JUND: variants seen among roughly 807,000 people sequenced by gnomAD.
JUND encodes the protein JunD proto-oncogene, AP-1 transcription factor subunit, also known as transcription factor JunD.
Under a neutral mutation model 7.1 loss-of-function variants are expected in JUND, and 2 were observed. The ratio of observed to expected loss-of-function variants is 0.28; its 90% CI spans 0.11 to 0.88. The LOEUF is 0.88. Among genes scored for constraint, JUND ranks in the 40% least tolerant of loss-of-function variants. The probability of loss-of-function intolerance (pLI) is 0.60; values close to 1 mark genes in which losing one functional copy is unlikely to be tolerated. For missense variants in JUND, 479 were observed against 519.1 expected, an observed-to-expected ratio of 0.92 and a Z score of 0.75; for synonymous variants, 335 against 263.2, an observed-to-expected ratio of 1.27 and a Z score of -2.64.
Position 18,281,511 on chromosome 19 carries a change from C to G in JUND, c.-27G>C, listed in dbSNP as rs1412807149. On this transcript the variant is annotated 5_prime_UTR_variant, in exon 1 of 1. Coordinates refer to ENST00000252818, the MANE Select transcript of JUND (RefSeq NM_005354.6). ...CTCCGCCTCCCCCGCCGCGCCGGCC[C>G]GGGGGGGAGTGGCCGCGGCCTCCCG... The G allele has an allele frequency of 2.5e-6, 3 of 1,220,862 alleles. No individual in the cohort carries two copies. The highest frequency in any genetic ancestry group is 3.1e-6 in the Non-Finnish European group (3 of 978,914). The allele number at this position is 1,220,862 out of a possible 1,614,324, so 75.6% of individuals were successfully genotyped here.
chr19:18,280,218 C>A lies in JUND; in HGVS notation c.*223G>T. 2.7e-6 allele frequency: 1 copy of A among 373,804 alleles called. No homozygotes were observed. The highest frequency in any genetic ancestry group is 4.8e-6 in the Non-Finnish European group (1 of 209,906). The allele number at this position is 373,804 out of a possible 1,614,324, so 23.2% of individuals were successfully genotyped here. On this transcript the variant is annotated 3_prime_UTR_variant, in exon 1 of 1. Coordinates refer to ENST00000252818, the MANE Select transcript of JUND (RefSeq NM_005354.6). The surrounding 1 kb of genome is among the most constrained non-coding windows in gnomAD (Gnocchi z 4.1). ...AGAGGCAGCGCGAGGGCGGGGGGGT[C>A]ATGCGCTCGCCCCCCCGGGAGCAGG...
At position 18,280,937 on chromosome 19, in the gene JUND, G is replaced by T. The variant is rs1478122243; in HGVS notation, c.548C>A (p.Ala183Asp). The change falls in exon 1 of 1, where the codon GCC (alanine) becomes GAC (aspartate). Residue 183 changes from alanine to aspartate, a missense_variant. Physicochemically the swap from Ala to Asp is moderately radical, Grantham distance 126 (BLOSUM62 -2). Transcript: ENST00000252818. The surrounding 1 kb of genome is among the most constrained non-coding windows in gnomAD (Gnocchi z 4.1). ...ATGSAPPGELAPAAAAPEAPV... is the reference protein window; with the variant it reads ...ATGSAPPGELDPAAAAPEAPV... ...CGCTTCGGGCGCGGCCGCCGCCGGG[G>T]CCAGCTCGCCGGGGGGCGCGGAGCC... The T allele has an allele frequency of 1.7e-5, 19 of 1,105,462 alleles. No homozygotes were observed. Among genetic ancestry groups the T allele is most frequent in the Non-Finnish European group, 2.1e-5 (19 of 909,698 alleles). The allele number at this position is 1,105,462 out of a possible 1,614,324, so 68.5% of individuals were successfully genotyped here.
Position 18,280,654 on chromosome 19 carries a change from G to T in JUND, c.831C>A (p.Arg277=). The T allele has an allele frequency of 1.2e-6, 2 of 1,612,568 alleles. No individual in the cohort carries two copies. Among genetic ancestry groups the T allele is most frequent in the Non-Finnish European group, 1.7e-6 (2 of 1,179,744 alleles). ...ERIKAERKRL[R]NRIAASKCRK... The stretch of plus-strand genomic sequence containing the variant: ...GGCACTTGGAGGCGGCGATGCGGTT[G>T]CGCAGCCGCTTGCGCTCCGCCTTGA... Residue 277 remains arginine, a synonymous_variant, in exon 1 of 1, where the codon CGC becomes CGA. Transcript: ENST00000252818. This position sits in a 1 kb window ranked among gnomAD's most constrained non-coding sequence, Gnocchi z 4.1.
Position 18,279,767 on chromosome 19 carries a change from A to AC in JUND, c.*673dup, listed in dbSNP as rs1248301384. ...GGAGGCGGAGAGCCGAGCTGGCGTA[A>AC]CGAGACTTTACTGAAAACAGAAAAC... On this transcript the variant is annotated 3_prime_UTR_variant, in exon 1 of 1. Coordinates refer to ENST00000252818, the MANE Select transcript of JUND (RefSeq NM_005354.6). The AC allele has an allele frequency of 6.5e-6, 1 of 152,808 alleles. No individual in the cohort carries two copies. The highest frequency in any genetic ancestry group is 1.5e-5 in the Non-Finnish European group (1 of 68,120). The allele number at this position is 152,808 out of a possible 1,614,324, so 9.5% of individuals were successfully genotyped here. A position where few individuals can be genotyped will look rare whatever the true frequency, so the allele number is the denominator to read the frequency against.
rs71717206 is a variant in JUND, at chr19:18,280,274, C to CG, written c.*166dup. 2.9e-3 allele frequency: 1,779 copies of CG among 613,590 alleles called. 1 individual carries two copies. The highest frequency in any genetic ancestry group is 6.9e-3 in the African/African-American group (340 of 49,372). 38.0% of individuals were successfully genotyped at this position (613,590 alleles called of 1,614,324 possible). On this transcript the variant is annotated 3_prime_UTR_variant, in exon 1 of 1. Coordinates refer to ENST00000252818, the MANE Select transcript of JUND (RefSeq NM_005354.6). The surrounding 1 kb of genome is among the most constrained non-coding windows in gnomAD (Gnocchi z 4.1). ...CAGCTTGTCGAGTCCTGGGCACCCT[C>CG]GGGGGGGGGGAATCCCCGGGGGCCG... is the stretch of plus-strand genomic sequence containing the variant.
Position 18,281,004 on chromosome 19 carries a change from C to T in JUND, c.481G>A (p.Ala161Thr), listed in dbSNP as rs776623089. Residue 161 changes from alanine to threonine, a missense_variant, in exon 1 of 1, where the codon GCC (alanine) becomes ACC (threonine). Transcript: ENST00000252818. ...NQLGAGAAAA[A>T]AAAAAGGPSG... Reference sequence around the variant, plus strand: ...GGCCCCCCGGCGGCGGCGGCGGCGGCGGCAGCGGCCGCGCCCGCGCCGAGC... The same window carrying T: ...GGCCCCCCGGCGGCGGCGGCGGCGGTGGCAGCGGCCGCGCCCGCGCCGAGC... 20 of 1,237,718 alleles carry T rather than the reference C, an allele frequency of 1.6e-5. No individual in the cohort carries two copies. Among genetic ancestry groups the T allele is most frequent in the East Asian group, 3.5e-5 (1 of 28,476 alleles). 76.7% of individuals were successfully genotyped at this position (1,237,718 alleles called of 1,614,324 possible).
chr19:18,280,220 T>G lies in JUND; in HGVS notation c.*221A>C. Reference sequence around the variant, plus strand: ...AGGCAGCGCGAGGGCGGGGGGGTCATGCGCTCGCCCCCCCGGGAGCAGGGG... The same window carrying G: ...AGGCAGCGCGAGGGCGGGGGGGTCAGGCGCTCGCCCCCCCGGGAGCAGGGG... On this transcript the variant is annotated 3_prime_UTR_variant, in exon 1 of 1. Transcript: ENST00000252818. The surrounding 1 kb of genome is among the most constrained non-coding windows in gnomAD (Gnocchi z 4.1). The G allele has an allele frequency of 5.9e-5, 20 of 338,718 alleles. No homozygotes were observed. The highest frequency in any genetic ancestry group is 9.0e-5 in the East Asian group (1 of 11,138). The allele number at this position is 338,718 out of a possible 1,614,324, so 21.0% of individuals were successfully genotyped here.
chr19:18,280,516 C>T lies in JUND; in HGVS notation c.969G>A (p.Gln323=), dbSNP rs1221440686. Residue 323 remains glutamine, a synonymous_variant, in exon 1 of 1, where the codon CAG becomes CAA. Coordinates refer to ENST00000252818, the MANE Select transcript of JUND (RefSeq NM_005354.6). The surrounding 1 kb of genome is among the most constrained non-coding windows in gnomAD (Gnocchi z 4.1). The part of the protein sequence containing the change: ...TASLLREQVA[Q]LKQKVLSHVN... The stretch of plus-strand genomic sequence containing the variant: ...CGTGGCTGAGGACTTTCTGCTTGAG[C>T]TGCGCCACCTGCTCGCGCAGCAGGC... The T allele has an allele frequency of 6.2e-7, 1 of 1,607,746 alleles. No homozygotes were observed. The highest frequency in any genetic ancestry group is 1.7e-5 in the Admixed American group (1 of 59,214).
At position 18,280,277 on chromosome 19, in the gene JUND, G is replaced by GCACCCTT; in HGVS notation, c.*163_*164insAAGGGTG. 1 of 86,228 alleles carries GCACCCTT rather than the reference G, an allele frequency of 1.2e-5. No homozygotes were observed. The highest frequency in any genetic ancestry group is 1.8e-5 in the Non-Finnish European group (1 of 56,518). The allele number at this position is 86,228 out of a possible 1,614,324, so 5.3% of individuals were successfully genotyped here. On this transcript the variant is annotated 3_prime_UTR_variant, in exon 1 of 1. Coordinates refer to ENST00000252818, the MANE Select transcript of JUND (RefSeq NM_005354.6). The surrounding 1 kb of genome is among the most constrained non-coding windows in gnomAD (Gnocchi z 4.1). Reference sequence around the variant, plus strand: ...CTTGTCGAGTCCTGGGCACCCTCGGGGGGGGGGAATCCCCGGGGGCCGCGC... The same window carrying GCACCCTT: ...CTTGTCGAGTCCTGGGCACCCTCGGGCACCCTTGGGGGGGAATCCCCGGGGGCCGCGC...
Position 18,280,882 on chromosome 19 carries a change from C to G in JUND, c.603G>C (p.Ala201=). The G allele has an allele frequency of 7.8e-7, 1 of 1,290,008 alleles. No homozygotes were observed. Among genetic ancestry groups the G allele is most frequent in the African/African-American group, 1.6e-5 (1 of 63,600 alleles). The allele number at this position is 1,290,008 out of a possible 1,614,324, so 79.9% of individuals were successfully genotyped here. A position where few individuals can be genotyped will look rare whatever the true frequency, so the allele number is the denominator to read the frequency against. The change falls in exon 1 of 1, where the codon GCG becomes GCC. Residue 201 remains alanine (A), a synonymous_variant. Transcript: ENST00000252818. The surrounding 1 kb of genome is among the most constrained non-coding windows in gnomAD (Gnocchi z 4.1). ...CGCCCCCCGCGCCCCCGGCGCCGCCCGCGTAGCTGCTCAGGTTCGCGTAGA... is the reference window on the plus strand; with the variant it reads ...CGCCCCCCGCGCCCCCGGCGCCGCCGGCGTAGCTGCTCAGGTTCGCGTAGA... The part of the protein sequence containing the change: ...APVYANLSSY[A]GGAGGAGGAA...
chr19:18,281,574 CGCCCCG>C lies in JUND; in HGVS notation c.-96_-91del, dbSNP rs1402173989. ...CCCCCCGTCCGCTCGGCCCTGCGCCCGCCCCGGCCGCGGCCGCAGCGCCCGGCCCTC... is the reference window on the plus strand; with the variant it reads ...CCCCCCGTCCGCTCGGCCCTGCGCCCGCCGCGGCCGCAGCGCCCGGCCCTC... On this transcript the variant is annotated 5_prime_UTR_variant, in exon 1 of 1. Coordinates refer to ENST00000252818, the MANE Select transcript of JUND (RefSeq NM_005354.6). 6 of 397,698 alleles carry C rather than the reference CGCCCCG, an allele frequency of 1.5e-5. No homozygotes were observed. Among genetic ancestry groups the C allele is most frequent in the African/African-American group, 2.2e-5 (1 of 45,246 alleles). The allele number at this position is 397,698 out of a possible 1,614,324, so 24.6% of individuals were successfully genotyped here. A position where few individuals can be genotyped will look rare whatever the true frequency, so the allele number is the denominator to read the frequency against.
In JUND at chr19:18,280,985, C is replaced by CCGGCGG. The variant is rs529130306; in HGVS notation, c.494_499dup (p.Ala165_Ala166dup). The CCGGCGG allele has an allele frequency of 8.1e-5, 93 of 1,142,814 alleles. No individual in the cohort carries two copies. Among genetic ancestry groups the CCGGCGG allele is most frequent in the African/African-American group, 5.4e-4 (32 of 59,770 alleles). The allele number at this position is 1,142,814 out of a possible 1,614,324, so 70.8% of individuals were successfully genotyped here. A position where few individuals can be genotyped will look rare whatever the true frequency, so the allele number is the denominator to read the frequency against. ...GCCCGTGGCCGTGCCCGAGGGCCCC[C>CCGGCGG]CGGCGGCGGCGGCGGCGGCGGCAGC... On this transcript the variant is annotated inframe_insertion, in exon 1 of 1. Transcript: ENST00000252818. This position sits in a 1 kb window ranked among gnomAD's most constrained non-coding sequence, Gnocchi z 4.1.
In JUND at chr19:18,279,864, A is replaced by AG. The variant is rs1969899875; in HGVS notation, c.*576dup. 7.1e-6 allele frequency: 1 copy of AG among 140,606 alleles called. No homozygotes were observed. The highest frequency in any genetic ancestry group is 7.3e-5 in the Admixed American group (1 of 13,788). The allele number at this position is 140,606 out of a possible 1,614,324, so 8.7% of individuals were successfully genotyped here. On this transcript the variant is annotated 3_prime_UTR_variant, in exon 1 of 1. Transcript: ENST00000252818. ...CAAAACAAAACAGAACAAAAAAGGG[A>AG]GGGGGGACCGGTCGAAAGAACCGAA...
rs918383032 is a variant in JUND at position 18,280,726 on chromosome 19, G to A, written c.759C>T (p.Gly253=). ...CGATGGGCGACAACGGCGGGCTCTC[G>A]CCGAAGCTCGGCACGTCGGGCACCG... ...PQTVPDVPSF[G]ESPPLSPIDM... Residue 253 remains glycine, a synonymous_variant, in exon 1 of 1, where the codon GGC becomes GGT. Coordinates refer to ENST00000252818, the MANE Select transcript of JUND (RefSeq NM_005354.6). This position sits in a 1 kb window ranked among gnomAD's most constrained non-coding sequence, Gnocchi z 4.1. 2.4e-5 allele frequency: 39 copies of A among 1,609,284 alleles called. No homozygotes were observed. The highest frequency in any genetic ancestry group is 3.2e-5 in the Non-Finnish European group (38 of 1,179,488).
Position 18,281,243 on chromosome 19 carries a change from G to C in JUND, c.242C>G (p.Ala81Gly). 1 of 1,475,242 alleles carries C rather than the reference G, an allele frequency of 6.8e-7. No homozygotes were observed. The highest frequency in any genetic ancestry group is 8.9e-7 in the Non-Finnish European group (1 of 1,118,100). The allele number at this position is 1,475,242 out of a possible 1,614,324, so 91.4% of individuals were successfully genotyped here. ...TPLRADGAPSAAPPDGLLASP... is the reference protein window; with the variant it reads ...TPLRADGAPSGAPPDGLLASP... ...GGCGAGCAGGCCGTCGGGGGGTGCC[G>C]CGCTGGGGGCGCCGTCGGCGCGCAG... The change falls in exon 1 of 1, where the codon GCG becomes GGG. Residue 81 changes from alanine (A) to glycine (G), a missense_variant. Coordinates refer to ENST00000252818, the MANE Select transcript of JUND (RefSeq NM_005354.6).
rs1382949383 is a variant in JUND at position 18,280,049 on chromosome 19, C to T, written c.*392G>A. 4.4e-6 allele frequency: 1 copy of T among 227,300 alleles called. No homozygotes were observed. The highest frequency in any genetic ancestry group is 8.3e-6 in the Non-Finnish European group (1 of 119,902). The allele number at this position is 227,300 out of a possible 1,614,324, so 14.1% of individuals were successfully genotyped here. A position where few individuals can be genotyped will look rare whatever the true frequency, so the allele number is the denominator to read the frequency against. On this transcript the variant is annotated 3_prime_UTR_variant, in exon 1 of 1. Transcript: ENST00000252818. The surrounding 1 kb of genome is among the most constrained non-coding windows in gnomAD (Gnocchi z 4.1). ...TCGAACACTCTGTTCTTCTCTCTTC[C>T]AAAGAAAAAAAAAAAAAAGTAAAAG... is the stretch of plus-strand genomic sequence containing the variant.
Position 18,281,220 on chromosome 19 carries a change from C to T in JUND, c.265G>A (p.Ala89Thr), listed in dbSNP as rs773804225. The part of the protein sequence containing the change: ...PSAAPPDGLL[A>T]SPDLGLLKLA... The stretch of plus-strand genomic sequence containing the variant: ...TTCAGCAGCCCCAGGTCGGGAGAGG[C>T]GAGCAGGCCGTCGGGGGGTGCCGCG... The change falls in exon 1 of 1, where the codon GCC (alanine) becomes ACC (threonine). Residue 89 changes from alanine (A) to threonine (T), a missense_variant. Ala to Thr is a moderately conservative substitution (Grantham distance 58). Around this residue, in one of 3 missense-constraint regions of JUND, gnomAD observed 374 missense variants for 365.4 expected, o/e 1.02. Transcript: ENST00000252818. 8.0e-6 allele frequency: 12 copies of T among 1,499,322 alleles called. No homozygotes were observed. The highest frequency in any genetic ancestry group is 4.3e-5 in the Admixed American group (2 of 46,938). The allele number at this position is 1,499,322 out of a possible 1,614,324, so 92.9% of individuals were successfully genotyped here. A position where few individuals can be genotyped will look rare whatever the true frequency, so the allele number is the denominator to read the frequency against.
chr19:18,280,807 TG>T lies in JUND; in HGVS notation c.677del (p.Pro226HisfsTer75). ...GCGGCGGCCCCAACGCGCCTGGGGG[TG>T]GCGGCGGCGGGAAGGGCACAGGTTC... ...AAEPVPFPPP[P>X]PPGALGPPRL... On this transcript the variant is annotated frameshift_variant, in exon 1 of 1. Coordinates refer to ENST00000252818, the MANE Select transcript of JUND (RefSeq NM_005354.6). LOFTEE classifies it high-confidence loss of function. This position sits in a 1 kb window ranked among gnomAD's most constrained non-coding sequence, Gnocchi z 4.1. 1 of 1,565,200 alleles carries T rather than the reference TG, an allele frequency of 6.4e-7. No homozygotes were observed. The highest frequency in any genetic ancestry group is 8.6e-7 in the Non-Finnish European group (1 of 1,165,260).
rs1473094925 is a variant in JUND at position 18,279,723 on chromosome 19, G to A, written c.*718C>T. ...GAACCAGGCCCCGCCCAGCCCGCCA[G>A]GCCCCGGCGGGGGAAGAAGGAGGCG... On this transcript the variant is annotated 3_prime_UTR_variant, in exon 1 of 1. Coordinates refer to ENST00000252818, the MANE Select transcript of JUND (RefSeq NM_005354.6). 1.3e-5 allele frequency: 2 copies of A among 152,636 alleles called. No individual in the cohort carries two copies. Among genetic ancestry groups the A allele is most frequent in the Non-Finnish European group, 2.9e-5 (2 of 68,166 alleles). 9.5% of individuals were successfully genotyped at this position (152,636 alleles called of 1,614,324 possible). A position where few individuals can be genotyped will look rare whatever the true frequency, so the allele number is the denominator to read the frequency against.
Sources: allele counts gnomAD v4.1 joint callset, GRCh38; gene constraint gnomAD v4.1.1; regional missense constraint gnomAD v4.1.1; non-coding constraint Gnocchi (gnomAD v3.1); transcripts MANE v1.5; gene names NCBI Gene and HGNC (gene_info 2026-07-23, HGNC 2026-07-21).